Variants in FBXO16 observed in about 807,000 individuals in gnomAD.
The protein encoded by FBXO16 is F-box protein 16, also known as F-box only protein 16.
FBXO16 carries 31 observed loss-of-function variants against 41.0 expected under a neutral mutation model. The observed-to-expected ratio is 0.76, with a 90% CI of 0.57 to 1.02. The LOEUF is 1.02. Among genes scored for constraint, FBXO16 ranks in the 50% least tolerant of loss-of-function variants. The pLI is 0.00. For synonymous variants in FBXO16, 133 were observed against 117.8 expected, an observed-to-expected ratio of 1.13 and a Z score of -0.84; for missense variants, 361 against 346.2, an observed-to-expected ratio of 1.04 and a Z score of -0.34.
In FBXO16 at chr8:28,482,241, G is replaced by C. The variant is rs960751987; in HGVS notation, c.99+1107C>G. 2.0e-5 allele frequency among the ~76,000 whole-genome samples: 3 copies of C among 152,216 alleles called. No individual in the cohort carries two copies. In the East Asian group the frequency reaches 5.8e-4, roughly 29 times the overall value. ...AAAATCAAATCCCAGACTGGACAGG[G>C]AGAAGCAGAATTTCTGGCTTGATTG... On this transcript the variant is annotated intron_variant, in intron 2 of 8. Transcript: ENST00000380254.
chr8:28,454,329 T>C (rs1279990192), intron 5 of FBXO16, among the ~76,000 whole-genome samples: 2 of 151,860 alleles, frequency 1.3e-5, no homozygotes, highest in Non-Finnish European at 2.9e-5. Flanking sequence ...CTGTTGTTGC[T>C]GGAAGAGGTC....
chr8:28,466,157 T>A (rs544564815), intron 3 of FBXO16, among the ~76,000 whole-genome samples: 3 of 152,122 alleles, frequency 2.0e-5, no homozygotes, highest in African/African-American at 7.2e-5. Context: ...GAGAATCGCT[T>A]GAACCCAGGA....
chr8:28,477,452 C>T (rs1803440994), intron 2 of FBXO16, among the ~76,000 whole-genome samples: 1 of 152,126 alleles, frequency 6.6e-6, no homozygotes, highest in Non-Finnish European at 1.5e-5. Context: ...TCATCTGATC[C>T]AATCCACTCA....
intron 6 of FBXO16, among the ~76,000 whole-genome samples, chr8:28,447,747 G>A (rs926763181): frequency 5.3e-4 from 80 of 151,926 alleles, no homozygotes; most frequent in Non-Finnish European, 3.4e-4. Flanking sequence ...TGAGGTCAGG[G>A]GTTCGAGACC....
chr8:28,429,249 C>G, intron 8 of FBXO16, 129 bp downstream of exon 8: 1 of 1,024,682 alleles, frequency 9.8e-7, no homozygotes, highest in Non-Finnish European at 1.5e-6. Context: ...TCCCAAAGTG[C>G]TGAGATTATC....
chr8:28,463,326 ATGTG>A (rs201054975), intron 4 of FBXO16, among the ~76,000 whole-genome samples: 1 of 146,878 alleles, frequency 6.8e-6, no homozygotes, highest in African/African-American at 2.5e-5. Context: ...GTATATGTGT[ATGTG>A]TGTTTGTGTG....
At chr8:28,490,094 TC>T (rs1803666922) in intron 1 of FBXO16, 91 bp downstream of exon 1, 1 of 152,074 alleles carries the variant, frequency 6.6e-6, no homozygotes, top group Non-Finnish European at 1.5e-5. Flanking sequence ...CACAATGAAA[TC>T]CCCAAGAGCA....
At chr8:28,437,708 A>G (rs1802707316) in intron 7 of FBXO16, among the ~76,000 whole-genome samples, 1 of 152,132 alleles carries the variant, frequency 6.6e-6, no homozygotes, top group African/African-American at 2.4e-5. Flanking sequence ...CCCTGTCTCT[A>G]CCAAAATTTG....
chr8:28,465,298 G>T, intron 3 of FBXO16: 1 of 398,328 alleles, frequency 2.5e-6, no homozygotes, highest in South Asian at 1.8e-5. Context: ...AGAGGAGGTT[G>T]GTTGGCTTCA....
At chr8:28,482,415 C>G (rs1380930740) in intron 2 of FBXO16, among the ~76,000 whole-genome samples, 3 of 152,098 alleles carry the variant, frequency 2.0e-5, no homozygotes, top group African/African-American at 4.8e-5. Context: ...AGCTCACAGA[C>G]CTGTTGGTAA....
intron 4 of FBXO16, among the ~76,000 whole-genome samples, chr8:28,461,510 A>G (rs986629205): frequency 6.6e-6 from 1 of 151,838 alleles, no homozygotes; most frequent in African/African-American, 2.4e-5. Flanking sequence ...TTTTCTGCAG[A>G]TTACTTGTTC....
At chr8:28,489,398 A>T (rs1304000345) in intron 1 of FBXO16, among the ~76,000 whole-genome samples, 2 of 151,506 alleles carry the variant, frequency 1.3e-5, no homozygotes, top group Non-Finnish European at 2.9e-5. Context: ...ATGTTGACCA[A>T]GTGTGGTGGC....
intron 4 of FBXO16, 86 bp downstream of exon 4, chr8:28,463,526 G>A (rs1803179820): frequency 1.5e-6 from 2 of 1,337,518 alleles, no homozygotes; most frequent in East Asian, 2.4e-5. Context: ...GTGTATGCCT[G>A]TGTTTCCCCT....
chr8:28,471,966 T>C (rs538986976), intron 3 of FBXO16, among the ~76,000 whole-genome samples: 1 of 152,266 alleles, frequency 6.6e-6, no homozygotes, highest in South Asian at 2.1e-4. Flanking sequence ...AAACATAACA[T>C]TGTTACAGTT....
At chr8:28,450,757 C>T (rs1802939315) in intron 6 of FBXO16, among the ~76,000 whole-genome samples, 2 of 151,944 alleles carry the variant, frequency 1.3e-5, no homozygotes, top group African/African-American at 4.8e-5. Context: ...TCCATGATGC[C>T]AGCAGTAGGC....
intron 7 of FBXO16, among the ~76,000 whole-genome samples, chr8:28,438,854 C>T (rs1349674547): frequency 6.6e-6 from 1 of 152,014 alleles, no homozygotes; most frequent in Non-Finnish European, 1.5e-5. Flanking sequence ...AATCCCAGCA[C>T]TTTGGGAGGC....
intron 7 of FBXO16, among the ~76,000 whole-genome samples, chr8:28,436,225 T>C (rs1053809040): frequency 6.6e-6 from 1 of 152,150 alleles, no homozygotes; most frequent in Non-Finnish European, 1.5e-5. Flanking sequence ...TTCAAGGACT[T>C]TCCATCTAGG....
chr8:28,474,664 ATG>A (rs1456635567), intron 2 of FBXO16, among the ~76,000 whole-genome samples: 1 of 152,128 alleles, frequency 6.6e-6, no homozygotes, highest in Admixed American at 6.5e-5. Context: ...AGGATTAGAA[ATG>A]TGTGTGTGTG....
chr8:28,434,803 C>T (rs1003746551), intron 7 of FBXO16, among the ~76,000 whole-genome samples: 4 of 152,364 alleles, frequency 2.6e-5, no homozygotes, highest in African/African-American at 9.6e-5. Context: ...GTGCGGGACC[C>T]AGTCGGCCGC....
Sources: gnomAD v4.1 joint callset for allele counts (sites outside exome capture counted in the v4.1 genomes callset) on GRCh38, gnomAD v4.1.1 for gene constraint, MANE v1.5 for transcripts, NCBI Gene and HGNC (gene_info 2026-07-23, HGNC 2026-07-21) for gene names.